The following SLC30A8 variants were observed in gnomAD, a reference collection of about 807,000 sequenced individuals.
SLC30A8 encodes proton-coupled zinc antiporter SLC30A8.
In SLC30A8, 27 loss-of-function variants were observed where a neutral mutation model predicts 36.9. The observed-to-expected ratio is 0.73, with a 90% CI of 0.54 to 1.01. SLC30A8 has a LOEUF of 1.01. Ranked by LOEUF, SLC30A8 falls within the 50% of genes least tolerant of loss-of-function variation. The probability of loss-of-function intolerance (pLI) is 0.00; values close to 1 mark genes in which losing one functional copy is unlikely to be tolerated. For synonymous variants in SLC30A8, 164 were observed against 172.4 expected (o/e 0.95, Z 0.38); for missense variants, 439 against 452.0 (o/e 0.97, Z 0.26).
At chr8:117,098,526 T>G (rs2130851352) in intron 2 of SLC30A8, among the ~76,000 whole-genome samples, 1 of 152,294 alleles carries the variant, frequency 6.6e-6, no homozygotes, top group African/African-American at 2.4e-5. Context: ...CTACTTGAAC[T>G]AGCCATTTCT....
chr8:117,036,842 C>T (rs1340967191), intron 1 of SLC30A8, among the ~76,000 whole-genome samples: 2 of 152,138 alleles, frequency 1.3e-5, no homozygotes, highest in Non-Finnish European at 2.9e-5. Context: ...CAGTAGCATG[C>T]CCAAGTTTAT....
intron 2 of SLC30A8, among the ~76,000 whole-genome samples, chr8:117,042,884 C>T (rs1019340887): frequency 6.6e-6 from 1 of 152,188 alleles, no homozygotes; most frequent in African/African-American, 2.4e-5. Flanking sequence ...CCATGTTGGG[C>T]AGGCCGGTCT....
At chr8:117,160,984 C>A (rs186824180) in intron 4 of SLC30A8, among the ~76,000 whole-genome samples, 4 of 152,184 alleles carry the variant, frequency 2.6e-5, no homozygotes, top group Admixed American at 6.5e-5. Flanking sequence ...TCTAATTTTA[C>A]GTTTAGTCTA....
intron 1 of SLC30A8, among the ~76,000 whole-genome samples, chr8:116,962,691 A>C (rs1191209208): frequency 6.6e-6 from 1 of 152,046 alleles, no homozygotes; most frequent in Non-Finnish European, 1.5e-5. Context: ...TTCACGAGGT[A>C]ATATTGTATA....
At chr8:116,998,846 C>G (rs965992946) in intron 1 of SLC30A8, among the ~76,000 whole-genome samples, 1 of 152,274 alleles carries the variant, frequency 6.6e-6, no homozygotes, top group East Asian at 1.9e-4. Flanking sequence ...CTAATACCTT[C>G]GGAGGGAGTA....
intron 2 of SLC30A8, among the ~76,000 whole-genome samples, chr8:117,121,975 T>C (rs1373746091): frequency 1.3e-5 from 2 of 151,820 alleles, no homozygotes; most frequent in Non-Finnish European, 2.9e-5. Flanking sequence ...AGAGTAGGTC[T>C]TATGTTTTTC....
chr8:117,079,724 G>C (rs1818603377), intron 2 of SLC30A8, among the ~76,000 whole-genome samples: 2 of 152,190 alleles, frequency 1.3e-5, no homozygotes, highest in South Asian at 4.1e-4. Flanking sequence ...TTAGCTACCT[G>C]CCTGAGGATG....
chr8:117,105,942 G>A (rs1426449616), intron 2 of SLC30A8, among the ~76,000 whole-genome samples: 1 of 152,102 alleles, frequency 6.6e-6, no homozygotes, highest in Non-Finnish European at 1.5e-5. Flanking sequence ...AGCTATCCAG[G>A]TCTAACTTCA....
At chr8:117,026,490 G>A (rs553784981) in intron 1 of SLC30A8, among the ~76,000 whole-genome samples, 2 of 152,134 alleles carry the variant, frequency 1.3e-5, no homozygotes, top group Admixed American at 6.5e-5. Context: ...CTAATCTCAC[G>A]CTCCCAGGAA....
At chr8:117,002,067 C>A (rs1245219393) in intron 1 of SLC30A8, among the ~76,000 whole-genome samples, 1 of 152,180 alleles carries the variant, frequency 6.6e-6, no homozygotes, top group Non-Finnish European at 1.5e-5. Context: ...TGTCTGCTTT[C>A]TTCCAAAGTC....
chr8:117,028,112 C>A (rs1816928510), intron 1 of SLC30A8, among the ~76,000 whole-genome samples: 2 of 152,056 alleles, frequency 1.3e-5, no homozygotes, highest in Non-Finnish European at 1.5e-5. Context: ...TTTGTTGATG[C>A]TGGAGGGAAA....
intron 1 of SLC30A8, among the ~76,000 whole-genome samples, chr8:116,961,342 TG>T (rs1232897585): frequency 6.6e-6 from 1 of 152,020 alleles, no homozygotes; most frequent in Non-Finnish European, 1.5e-5. Context: ...GGCAGGAGAA[TG>T]GCTTAAACCC....
chr8:117,067,862 T>C (rs138702451), intron 2 of SLC30A8, among the ~76,000 whole-genome samples: 196 of 152,176 alleles, frequency 1.3e-3, no homozygotes, highest in African/African-American at 4.6e-3. Context: ...TACTGGGAAA[T>C]GGGGGGCTCC....
Position 116,955,747 on chromosome 8 carries a change from A to C in SLC30A8, c.-266+4628A>C, listed in dbSNP as rs557090000. 2.0e-3 allele frequency among the ~76,000 whole-genome samples: 303 copies of C among 151,990 alleles called. 1 individual carries two copies. Among genetic ancestry groups the C allele is most frequent in the African/African-American group, 6.8e-3 (280 of 41,408 alleles). On this transcript the variant is annotated intron_variant, in intron 1 of 10. Coordinates refer to the SLC30A8 transcript ENST00000427715. ...CAAAAAAAAAAAAATAAAAAAAAAG[A>C]AAACAAAAAGACAGAGATGCTGAGG...
intron 1 of SLC30A8, among the ~76,000 whole-genome samples, chr8:116,996,357 TTTAA>T (rs962181309): frequency 2.0e-5 from 3 of 152,338 alleles, no homozygotes; most frequent in South Asian, 2.1e-4. Flanking sequence ...TTTATTTTAT[TTTAA>T]TTAATTATTT....
intron 4 of SLC30A8, among the ~76,000 whole-genome samples, chr8:117,160,487 C>T (rs1822734742): frequency 6.6e-6 from 1 of 151,674 alleles, no homozygotes; most frequent in Non-Finnish European, 1.5e-5. Flanking sequence ...TTTACCTTCT[C>T]CAGCACATTT....
intron 2 of SLC30A8, among the ~76,000 whole-genome samples, chr8:117,055,617 C>T (rs1471175947): frequency 6.6e-6 from 1 of 151,972 alleles, no homozygotes; most frequent in Non-Finnish European, 1.5e-5. Flanking sequence ...GTATTCTTAC[C>T]CTAATGTGAT....
intron 1 of SLC30A8, among the ~76,000 whole-genome samples, chr8:116,995,415 A>G (rs898895956): frequency 3.9e-5 from 6 of 152,050 alleles, no homozygotes; most frequent in Non-Finnish European, 8.8e-5. Flanking sequence ...ACAGATGAAA[A>G]AACTTCATTT....
In SLC30A8 at chr8:117,097,724, A is replaced by G. The variant is rs183073883; in HGVS notation, c.-225-37556A>G. On this transcript the variant is annotated intron_variant, in intron 2 of 10. Coordinates refer to the SLC30A8 transcript ENST00000427715. ...TATAATTTTAAATAATATATATTAT[A>G]TATAATATATAATTTTAAATAATAT... 9.0e-4 allele frequency among the ~76,000 whole-genome samples: 32 copies of G among 35,720 alleles called. 13 individuals are homozygous for G. Among genetic ancestry groups the G allele is most frequent in the African/African-American group, 1.8e-3 (9 of 5,038 alleles). The allele number at this position is 35,720 out of a possible 152,430, so 23.4% of individuals were successfully genotyped here.
Sources: allele counts gnomAD v4.1 joint callset (sites outside exome capture counted in the v4.1 genomes callset), GRCh38; gene constraint gnomAD v4.1.1; transcripts MANE v1.5; gene names NCBI Gene and HGNC (gene_info 2026-07-23, HGNC 2026-07-21).